KIF19: variants seen among roughly 807,000 people sequenced by gnomAD.
KIF19 encodes kinesin-like protein KIF19.
In KIF19, 98 loss-of-function variants were observed where a neutral mutation model predicts 106.6. That is an observed-to-expected ratio of 0.92 (90% CI 0.78 to 1.09). The LOEUF (loss-of-function observed/expected upper bound fraction) is 1.09, where lower values mean the gene tolerates loss of function less well. Ranked by LOEUF, KIF19 falls within the 50% of genes least tolerant of loss-of-function variation. KIF19 has a pLI of 0.00. For missense variants in KIF19, 1,373 were observed against 1,414.3 expected (o/e 0.97, Z 0.47); for synonymous variants, 516 against 584.2 (o/e 0.88, Z 1.68).
rs147059711 is a variant in KIF19, at chr17:74,328,437, G to T, written c.52G>T (p.Val18Phe). 9.3e-6 allele frequency: 15 copies of T among 1,609,430 alleles called. No homozygotes were observed. In the Admixed American group the frequency reaches 1.8e-4, roughly 20 times the overall value. The change falls in exon 2 of 20, where the codon GTC becomes TTC. Residue 18 changes from valine (V) to phenylalanine (F), a missense_variant. Val to Phe is a conservative substitution (Grantham distance 50). This residue lies in a region of KIF19 where 348 missense variants were observed against 389.5 expected (regional missense o/e 0.89). Transcript: ENST00000389916. Reference protein sequence around the residue: ...KDQQLMVALRVRPISVAELEE... With the variant: ...KDQQLMVALRFRPISVAELEE... ...TTTTCCCTCCCAGGTGGCGCTTCGG[G>T]TCCGGCCCATCAGCGTGGCAGAGCT...
chr17:74,339,765 C>T (rs2054311231), intron 2 of KIF19, among the ~76,000 whole-genome samples: 1 of 152,244 alleles, frequency 6.6e-6, no homozygotes, highest in African/African-American at 2.4e-5. Context: ...CGCAGAGCAG[C>T]ATTTAGAGGC....
intron 15 of KIF19, 59 bp from the exon 16 acceptor site, chr17:74,353,137 G>A: frequency 4.8e-6 from 7 of 1,470,296 alleles, no homozygotes; most frequent in Non-Finnish European, 6.5e-6. Context: ...TGGGGTGGGG[G>A]TGGGACCTCG....
rs749990302 is a variant in KIF19, at chr17:74,347,818, C to G, written c.966C>G (p.His322Gln). The G allele has an allele frequency of 6.3e-7, 1 of 1,588,420 alleles. No individual in the cohort carries two copies. Among genetic ancestry groups the G allele is most frequent in the South Asian group, 1.2e-5 (1 of 86,692 alleles). Residue 322 changes from histidine (H) to glutamine (Q), a missense_variant, in exon 9 of 20, where the codon CAC (histidine) becomes CAG (glutamine). His to Gln is a conservative substitution (Grantham distance 24). Around this residue, in one of 3 missense-constraint regions of KIF19, gnomAD observed 1,020 missense variants for 1,008.2 expected, o/e 1.01. Coordinates refer to ENST00000389916, the MANE Select transcript of KIF19 (RefSeq NM_153209.4). Reference protein sequence around the residue: ...GGNSRTVMIAHISPASSAFEE... With the variant: ...GGNSRTVMIAQISPASSAFEE... ...ACAGCCGCACAGTGATGATCGCTCA[C>G]ATCAGTCCTGCGAGCAGTGCCTTCG...
chr17:74,350,132 G>A (rs963841072), intron 10 of KIF19, among the ~76,000 whole-genome samples: 1 of 152,148 alleles, frequency 6.6e-6, no homozygotes, highest in Non-Finnish European at 1.5e-5. Context: ...CCTTTTTATA[G>A]TTGGCACAGA....
intron 2 of KIF19, among the ~76,000 whole-genome samples, chr17:74,339,423 G>A (rs1420973887): frequency 6.6e-6 from 1 of 151,814 alleles, no homozygotes; most frequent in Non-Finnish European, 1.5e-5. Flanking sequence ...CTGGGAGGAG[G>A]GGGCTGCCCA....
intron 2 of KIF19, among the ~76,000 whole-genome samples, chr17:74,332,210 TTGTGTGTGTG>T (rs71157056): frequency 9.2e-5 from 10 of 108,846 alleles, no homozygotes; most frequent in South Asian, 6.5e-4. Context: ...GTGTGTGTGT[TTGTGTGTGTG>T]TGTGTGTGTG....
In KIF19 at chr17:74,349,266, G is replaced by T. The variant is rs202026866; in HGVS notation, c.1130G>T (p.Arg377Leu). The change falls in exon 10 of 20, where the codon CGA becomes CTA. Residue 377 changes from arginine to leucine, a missense_variant. By Grantham distance (102) the Arg-to-Leu change is moderately radical (BLOSUM62 -2). This residue lies in a region of KIF19 where 1,020 missense variants were observed against 1,008.2 expected (regional missense o/e 1.01). Transcript: ENST00000389916. ...GCTGACCTGCGGGGCGAGATCCAGC[G>T]ACTCAAGCGCAAGATTGATGAGCAG... The part of the protein sequence containing the change: ...IIADLRGEIQ[R>L]LKRKIDEQTG... 1 of 1,613,476 alleles carries T rather than the reference G, an allele frequency of 6.2e-7. No homozygotes were observed. Among genetic ancestry groups the T allele is most frequent in the South Asian group, 1.1e-5 (1 of 91,060 alleles).
In KIF19 at chr17:74,355,182, G is replaced by A. The variant is rs764817775; in HGVS notation, c.2867G>A (p.Gly956Asp). Residue 956 changes from glycine to aspartate, a missense_variant and splice_region_variant, in exon 20 of 20, where the codon GGC (glycine) becomes GAC (aspartate). Physicochemically the swap from Gly to Asp is moderately conservative, Grantham distance 94. Coordinates refer to ENST00000389916, the MANE Select transcript of KIF19 (RefSeq NM_153209.4). Reference protein sequence around the residue: ...KVKLPPSQNTGPGDSSPLAVP... With the variant: ...KVKLPPSQNTDPGDSSPLAVP... ...GATCCTGCCCCTTTCCCTGTTGCAG[G>A]CCCGGGGGACTCCTCACCCCTGGCT... 8 of 1,595,996 alleles carry A rather than the reference G, an allele frequency of 5.0e-6. No homozygotes were observed. Among genetic ancestry groups the A allele is most frequent in the South Asian group, 1.1e-5 (1 of 89,320 alleles).
chr17:74,342,536 G>C (rs1312310558), intron 3 of KIF19, 94 bp from the exon 4 acceptor site: 1 of 969,458 alleles, frequency 1.0e-6, no homozygotes, highest in African/African-American at 1.6e-5. Context: ...TCCAGGGACA[G>C]AAACCTCTCC....
In KIF19 at chr17:74,344,749, C is replaced by T. The variant is rs754118046; in HGVS notation, c.583-12C>T. 4.4e-6 allele frequency: 7 copies of T among 1,595,248 alleles called. No individual in the cohort carries two copies. Among genetic ancestry groups the T allele is most frequent in the Non-Finnish European group, 5.1e-6 (6 of 1,166,206 alleles). ...CAGTCGCTAAGAGCTGCCTCTCCTC[C>T]CTCCCACCCAGATCATGCAGCTGCT... On this transcript the variant is annotated splice_polypyrimidine_tract_variant and intron_variant, in intron 6 of 19. Coordinates refer to ENST00000389916, the MANE Select transcript of KIF19 (RefSeq NM_153209.4).
In KIF19 at chr17:74,355,370, G is replaced by A. The variant is rs769782752; in HGVS notation, c.*58G>A. ...CCAAGACTGAATGGGGTCTAGCAGG[G>A]CATGGGAGGTGGAGGCTGGGCAGAT... On this transcript the variant is annotated 3_prime_UTR_variant, in exon 20 of 20. Transcript: ENST00000389916. 4.0e-6 allele frequency: 6 copies of A among 1,502,686 alleles called. No individual in the cohort carries two copies. Among genetic ancestry groups the A allele is most frequent in the Non-Finnish European group, 4.4e-6 (5 of 1,124,772 alleles). 93.1% of individuals were successfully genotyped at this position (1,502,686 alleles called of 1,614,324 possible).
At chr17:74,335,724 A>G (rs566315308) in intron 2 of KIF19, among the ~76,000 whole-genome samples, 25 of 152,392 alleles carry the variant, frequency 1.6e-4, no homozygotes, top group Admixed American at 5.9e-4. Flanking sequence ...CCCGCCTCCC[A>G]TGTGAGCAAA....
rs761595469 is a variant in KIF19 at position 74,352,840 on chromosome 17, T to C, written c.2000T>C (p.Ile667Thr). ...RALQDSSLPK[I>T]TPAGTSLTPD... ...CCCCAGGACAGCTCCTTGCCCAAAA[T>C]TACCCCAGCAGGAACCTCACTGACC... Residue 667 changes from isoleucine (I) to threonine (T), a missense_variant, in exon 15 of 20, where the codon ATT becomes ACT. Transcript: ENST00000389916. 1.2e-6 allele frequency: 2 copies of C among 1,613,856 alleles called. No individual in the cohort carries two copies. Among genetic ancestry groups the C allele is most frequent in the Non-Finnish European group, 1.7e-6 (2 of 1,179,848 alleles).
chr17:74,337,372 G>A (rs982400562), intron 2 of KIF19, among the ~76,000 whole-genome samples: 4 of 152,136 alleles, frequency 2.6e-5, no homozygotes, highest in African/African-American at 4.8e-5. Flanking sequence ...TGGGGCATGC[G>A]TGTGCTGGCC....
At chr17:74,348,821 G>T in intron 9 of KIF19, 1 of 248,468 alleles carries the variant, frequency 4.0e-6, no homozygotes, top group Non-Finnish European at 7.8e-6. Context: ...GGAGAGCACA[G>T]GTTCCAAAGG....
chr17:74,350,480 G>C lies in KIF19; in HGVS notation c.1293G>C (p.Gln431His), dbSNP rs748397065. ...GGGAGCAGCTCGCCAGCGCCTTCCA[G>C]GAGCAGATGGATGTGCGGAGGCGCC... The part of the protein sequence containing the change: ...QLREQLASAF[Q>H]EQMDVRRRLL... Residue 431 changes from glutamine to histidine, a missense_variant, in exon 11 of 20, where the codon CAG (glutamine) becomes CAC (histidine). This residue lies in a region of KIF19 where 1,020 missense variants were observed against 1,008.2 expected (regional missense o/e 1.01). Coordinates refer to ENST00000389916, the MANE Select transcript of KIF19 (RefSeq NM_153209.4). 1.9e-6 allele frequency: 3 copies of C among 1,611,972 alleles called. No individual in the cohort carries two copies. Among genetic ancestry groups the C allele is most frequent in the South Asian group, 1.1e-5 (1 of 90,810 alleles).
Position 74,330,973 on chromosome 17 carries a change from C to T in KIF19, c.120+2468C>T, listed in dbSNP as rs548559447. ...CAGGGATCCAGCCCAGCCCTTCTAACGGAGGACTGTAGTTTAGGAGCAGCC... is the reference window on the plus strand; with the variant it reads ...CAGGGATCCAGCCCAGCCCTTCTAATGGAGGACTGTAGTTTAGGAGCAGCC... On this transcript the variant is annotated intron_variant, in intron 2 of 19. Transcript: ENST00000389916. 5.8e-4 allele frequency among the ~76,000 whole-genome samples: 88 copies of T among 152,310 alleles called. 1 individual carries two copies. Among genetic ancestry groups the T allele is most frequent in the African/African-American group, 2.0e-3 (83 of 41,570 alleles).
intron 2 of KIF19, among the ~76,000 whole-genome samples, chr17:74,330,275 A>C (rs2054040348): frequency 6.6e-6 from 1 of 152,188 alleles, no homozygotes; most frequent in South Asian, 2.1e-4. Flanking sequence ...TGCTTCCAGG[A>C]GCTTCAGTTG....
intron 2 of KIF19, among the ~76,000 whole-genome samples, chr17:74,339,452 A>C (rs112516037): frequency 9.4e-5 from 14 of 148,646 alleles, no homozygotes; most frequent in African/African-American, 3.0e-4. Flanking sequence ...CTCCCTCGCC[A>C]CCTTCCCTCC....
Sources: gnomAD v4.1 joint callset for allele counts (sites outside exome capture counted in the v4.1 genomes callset) on GRCh38, gnomAD v4.1.1 for gene constraint, gnomAD v4.1.1 regional missense constraint, MANE v1.5 for transcripts, NCBI Gene and HGNC (gene_info 2026-07-23, HGNC 2026-07-21) for gene names.